The following PRR16 variants were observed in gnomAD, a reference collection of about 807,000 sequenced individuals.
PRR16 encodes the protein protein Largen.
PRR16 carries 6 observed loss-of-function variants against 18.2 expected under a neutral mutation model. That is an observed-to-expected ratio of 0.33 (90% CI 0.18 to 0.65). The LOEUF is 0.65. Ranked by LOEUF, PRR16 falls within the 30% of genes least tolerant of loss-of-function variation. PRR16 has a pLI of 0.74. For synonymous variants in PRR16, 151 were observed against 147.8 expected (o/e 1.02, Z -0.16); for missense variants, 412 against 376.6 (o/e 1.09, Z -0.78).
At chr5:120,612,505 C>A (rs191510522) in intron 1 of PRR16, among the ~76,000 whole-genome samples, 50 of 152,214 alleles carry the variant, frequency 3.3e-4, no homozygotes, top group African/African-American at 1.2e-3. Flanking sequence ...ATGCTATTCT[C>A]GTGACGGTGA....
chr5:120,775,243 T>TA, the PRR16 span, among the ~76,000 whole-genome samples: 1 of 152,182 alleles, frequency 6.6e-6, no homozygotes, highest in East Asian at 1.9e-4. Context: ...TTTTGCATAA[T>TA]AGCATATACT....
the PRR16 span, among the ~76,000 whole-genome samples, chr5:120,764,146 G>A: frequency 6.8e-6 from 1 of 147,470 alleles, no homozygotes; most frequent in African/African-American, 2.6e-5. Flanking sequence ...TTAGTTCTTA[G>A]AGGAAAAGCT....
chr5:120,691,039 C>A (rs1046293565), downstream of PRR16, among the ~76,000 whole-genome samples: 4 of 152,024 alleles, frequency 2.6e-5, no homozygotes, highest in African/African-American at 7.2e-5. Flanking sequence ...TATATATATT[C>A]TTTCTCAAAG....
chr5:120,715,086 GC>G, the PRR16 span, among the ~76,000 whole-genome samples: 2 of 151,366 alleles, frequency 1.3e-5, no homozygotes, highest in African/African-American at 4.9e-5. Flanking sequence ...TGCACATTCT[GC>G]ACATGTATCC....
At chr5:120,609,442 T>G (rs550456191) in intron 1 of PRR16, among the ~76,000 whole-genome samples, 126 of 152,304 alleles carry the variant, frequency 8.3e-4, no homozygotes, top group African/African-American at 2.8e-3. Context: ...TATTCTTTAT[T>G]GAGTTGTTTA....
chr5:120,563,988 G>A (rs753360494), intron 1 of PRR16, among the ~76,000 whole-genome samples: 8 of 152,098 alleles, frequency 5.3e-5, no homozygotes, highest in Non-Finnish European at 8.8e-5. Context: ...CGGGACTGTC[G>A]TCTTCTCTTC....
chr5:120,465,891 C>T lies in PRR16; in HGVS notation c.159+1246C>T, dbSNP rs146567393. ...TGACTGGCCTCTAGAGATTAACCTC[C>T]TGTATTCAATTTCCAAACCAAATTT... On this transcript the variant is annotated intron_variant, in intron 1 of 1. Transcript: ENST00000407149. 5.1e-3 allele frequency among the ~76,000 whole-genome samples: 779 copies of T among 152,302 alleles called. 5 individuals are homozygous for T. The highest frequency in any genetic ancestry group is 0.014 in the South Asian group (70 of 4,830).
At chr5:120,680,754 T>C in intron 1 of PRR16, among the ~76,000 whole-genome samples, 1 of 152,188 alleles carries the variant, frequency 6.6e-6, no homozygotes, top group Non-Finnish European at 1.5e-5. Flanking sequence ...TGAAATGTTA[T>C]GTTGTTTTCT....
chr5:120,725,717 C>T, the PRR16 span, among the ~76,000 whole-genome samples: 2 of 151,924 alleles, frequency 1.3e-5, no homozygotes, highest in Non-Finnish European at 2.9e-5. Context: ...TGTTTATACA[C>T]CTTTCCCTAC....
chr5:120,558,656 G>A (rs371460058), intron 1 of PRR16, among the ~76,000 whole-genome samples: 1 of 151,792 alleles, frequency 6.6e-6, no homozygotes, highest in African/African-American at 2.4e-5. Flanking sequence ...ATCTCTTGGT[G>A]TATACCTAGA....
intron 1 of PRR16, among the ~76,000 whole-genome samples, chr5:120,609,135 T>A (rs1389327139): frequency 6.6e-6 from 1 of 152,096 alleles, no homozygotes; most frequent in African/African-American, 2.4e-5. Flanking sequence ...ACCCTGCAGT[T>A]CACTTATTTG....
chr5:120,769,971 T>G, the PRR16 span, among the ~76,000 whole-genome samples: 6,744 of 152,040 alleles, frequency 0.044, 515 homozygotes, highest in African/African-American at 0.15. Context: ...GTTGAGCGTC[T>G]TTTCTTACAG....
chr5:120,751,482 T>G, the PRR16 span, among the ~76,000 whole-genome samples: 26 of 152,090 alleles, frequency 1.7e-4, no homozygotes, highest in Non-Finnish European at 1.8e-4. Context: ...TTAACTGCAG[T>G]GAGACCATAT....
intron 1 of PRR16, among the ~76,000 whole-genome samples, chr5:120,528,777 C>T (rs144843652): frequency 0.016 from 2,363 of 152,240 alleles, 22 homozygotes; most frequent in Middle Eastern, 0.13. Context: ...TGTCTAGAGA[C>T]GGTTGACAGT....
chr5:120,498,710 A>G (rs1305862797), intron 1 of PRR16, among the ~76,000 whole-genome samples: 1 of 151,650 alleles, frequency 6.6e-6, no homozygotes, highest in Non-Finnish European at 1.5e-5. Context: ...TCTAGTGACC[A>G]GTTCTCTTAT....
the PRR16 span, among the ~76,000 whole-genome samples, chr5:120,772,129 A>G: frequency 1.1e-4 from 16 of 152,270 alleles, no homozygotes; most frequent in African/African-American, 2.6e-4. Context: ...GCCATGTCCT[A>G]TCTCTGAGAT....
At chr5:120,690,840 C>T (rs576340799), downstream of PRR16, among the ~76,000 whole-genome samples, 42 of 152,008 alleles carry the variant, frequency 2.8e-4, no homozygotes, top group African/African-American at 9.6e-4. Context: ...ATTTGAAGCA[C>T]TTGGATTTAT....
chr5:120,527,032 G>C (rs1162520162), intron 1 of PRR16, among the ~76,000 whole-genome samples: 1 of 152,052 alleles, frequency 6.6e-6, no homozygotes, highest in Non-Finnish European at 1.5e-5. Context: ...CCTCCCCCCA[G>C]GTCCTGCTGT....
At chr5:120,769,774 G>A in the PRR16 span, among the ~76,000 whole-genome samples, 1 of 151,736 alleles carries the variant, frequency 6.6e-6, no homozygotes, top group Non-Finnish European at 1.5e-5. Context: ...AATTTTTTGA[G>A]GAGACTTCAT....
Sources: allele counts gnomAD v4.1 joint callset (sites outside exome capture counted in the v4.1 genomes callset), GRCh38; gene constraint gnomAD v4.1.1; transcripts MANE v1.5; gene names NCBI Gene and HGNC (gene_info 2026-07-23, HGNC 2026-07-21).